CNBD1: variants seen among roughly 807,000 people sequenced by gnomAD.
CNBD1 encodes the protein cyclic nucleotide binding domain containing 1.
Under a neutral mutation model 54.4 loss-of-function variants are expected in CNBD1, and 71 were observed. That is an observed-to-expected ratio of 1.30 (90% CI 1.08 to 1.59). CNBD1 has a LOEUF of 1.59. Among genes scored for constraint, CNBD1 ranks in the 40% most tolerant of loss-of-function variants. The pLI is 0.00. For synonymous variants in CNBD1, 182 were observed against 170.7 expected (o/e 1.07, Z -0.51); for missense variants, 659 against 518.0 (o/e 1.27, Z -2.64).
intron 3 of CNBD1, among the ~76,000 whole-genome samples, chr8:86,906,999 A>AG (rs1809027954): frequency 1.3e-5 from 2 of 152,364 alleles, no homozygotes; most frequent in South Asian, 4.1e-4. Context: ...TTAAGAATCA[A>AG]GGGGAATTTT....
At chr8:86,885,327 AATAAAG>A (rs905356609) in intron 1 of CNBD1, among the ~76,000 whole-genome samples, 6 of 152,336 alleles carry the variant, frequency 3.9e-5, no homozygotes, top group African/African-American at 1.4e-4. Context: ...GCCTTATATC[AATAAAG>A]ATAATCGGTT....
intron 4 of CNBD1, among the ~76,000 whole-genome samples, chr8:87,123,770 TTAAG>T (rs2130718594): frequency 6.6e-6 from 1 of 151,600 alleles, no homozygotes; most frequent in East Asian, 1.9e-4. Flanking sequence ...AATTGTTAGA[TTAAG>T]TAGGGAAGAA....
intron 5 of CNBD1, among the ~76,000 whole-genome samples, chr8:87,206,730 A>C (rs868459868): frequency 5.9e-5 from 9 of 152,170 alleles, no homozygotes; most frequent in African/African-American, 2.2e-4. Context: ...TATTTTAATT[A>C]CGGGGGCTAG....
intron 6 of CNBD1, among the ~76,000 whole-genome samples, chr8:87,253,707 G>GA (rs1807954671): frequency 6.6e-6 from 1 of 152,130 alleles, no homozygotes; most frequent in South Asian, 2.1e-4. Context: ...GAACTAGGGA[G>GA]AAAATTAACC....
rs1386679124 is a variant in CNBD1, at chr8:87,133,318, G to A, written c.432-72675G>A. ...CTCACATATCTAATAACTTTGACTT[G>A]TATCCTCAACATTGTGAAGTCACTG... On this transcript the variant is annotated intron_variant, in intron 4 of 10. Coordinates refer to ENST00000518476, the MANE Select transcript of CNBD1 (RefSeq NM_173538.3). 3.3e-5 allele frequency among the ~76,000 whole-genome samples: 5 copies of A among 151,896 alleles called. 1 individual carries two copies.
At chr8:87,411,330 A>T (rs910895965) in intron 2 of CNBD1, among the ~76,000 whole-genome samples, 1 of 146,138 alleles carries the variant, frequency 6.8e-6, no homozygotes, top group South Asian at 2.2e-4. Flanking sequence ...TTCACCACAA[A>T]AGTCCACTTT....
chr8:87,423,139 T>G (rs1243008005), intron 2 of CNBD1, among the ~76,000 whole-genome samples: 1 of 152,208 alleles, frequency 6.6e-6, no homozygotes, highest in African/African-American at 2.4e-5. Context: ...CCTGAGACTT[T>G]GCTGAAGTTG....
chr8:86,913,212 A>T (rs1160315984), intron 3 of CNBD1, among the ~76,000 whole-genome samples: 1 of 152,208 alleles, frequency 6.6e-6, no homozygotes, highest in African/African-American at 2.4e-5. Context: ...CTGTATTCAC[A>T]TACAGTAATG....
chr8:87,216,186 C>A (rs1814208013), intron 5 of CNBD1, among the ~76,000 whole-genome samples: 1 of 152,026 alleles, frequency 6.6e-6, no homozygotes, highest in African/African-American at 2.4e-5. Flanking sequence ...CAAGCCAGCT[C>A]CTAGAGAGCC....
At chr8:87,403,015 G>A (rs1050682776) in intron 2 of CNBD1, among the ~76,000 whole-genome samples, 2 of 151,842 alleles carry the variant, frequency 1.3e-5, no homozygotes, top group Admixed American at 1.3e-4. Context: ...CAGTTAAGGA[G>A]GAATTCAAAT....
intron 8 of CNBD1, among the ~76,000 whole-genome samples, chr8:87,344,920 C>G (rs1258950095): frequency 6.6e-6 from 1 of 151,916 alleles, no homozygotes; most frequent in East Asian, 1.9e-4. Context: ...GGACAGTTAC[C>G]CTGGTTAACT....
At chr8:87,343,663 T>G (rs1810113460) in intron 8 of CNBD1, among the ~76,000 whole-genome samples, 1 of 152,194 alleles carries the variant, frequency 6.6e-6, no homozygotes, top group African/African-American at 2.4e-5. Flanking sequence ...ACTATAAAGT[T>G]AGTGGAACAC....
chr8:87,159,399 T>A (rs1563490741), intron 4 of CNBD1, among the ~76,000 whole-genome samples: 2 of 152,108 alleles, frequency 1.3e-5, no homozygotes, highest in Non-Finnish European at 2.9e-5. Context: ...TTATGGAAGG[T>A]AAAATTAAAA....
At chr8:87,181,450 G>C (rs933381156) in intron 4 of CNBD1, among the ~76,000 whole-genome samples, 3 of 152,094 alleles carry the variant, frequency 2.0e-5, no homozygotes, top group African/African-American at 7.2e-5. Context: ...TCTTGGGTGA[G>C]ACTCAGAAGT....
At chr8:87,306,178 A>G (rs746164538) in intron 8 of CNBD1, among the ~76,000 whole-genome samples, 12 of 152,216 alleles carry the variant, frequency 7.9e-5, no homozygotes, top group Non-Finnish European at 1.8e-4. Flanking sequence ...ATGATAAAGG[A>G]AATGCAAATC....
intron 3 of CNBD1, among the ~76,000 whole-genome samples, chr8:86,930,957 CCT>C (rs1809446943): frequency 6.6e-6 from 1 of 152,152 alleles, no homozygotes; most frequent in Non-Finnish European, 1.5e-5. Flanking sequence ...CCTTCCAAGT[CCT>C]AGACTTCAGG....
chr8:87,382,996 T>G (rs2130961526), downstream of CNBD1: 1 of 165,500 alleles, frequency 6.0e-6, no homozygotes, highest in Non-Finnish European at 1.3e-5. Context: ...GTTGTCATTT[T>G]TGACTGTCAG....
chr8:87,263,005 G>T (rs1441729344), intron 6 of CNBD1, among the ~76,000 whole-genome samples: 1 of 152,140 alleles, frequency 6.6e-6, no homozygotes, highest in Non-Finnish European at 1.5e-5. Flanking sequence ...GTGGGCGCAA[G>T]AAGTTGGAGC....
intron 2 of CNBD1, among the ~76,000 whole-genome samples, chr8:87,409,226 A>AATAAAAGAAACATGCAAATAATAATCAG: frequency 6.6e-6 from 1 of 152,172 alleles, no homozygotes; most frequent in Non-Finnish European, 1.5e-5. Flanking sequence ...TAAGAAAGCA[A>AATAAAAGAAACATGCAAATAATAATCAG]CAGTTCTTAC....
Sources: allele counts gnomAD v4.1 joint callset (sites outside exome capture counted in the v4.1 genomes callset), GRCh38; gene constraint gnomAD v4.1.1; transcripts MANE v1.5; gene names NCBI Gene and HGNC (gene_info 2026-07-23, HGNC 2026-07-21).